Variants in PTH2R observed in about 807,000 individuals in gnomAD.
PTH2R encodes parathyroid hormone 2 receptor.
Under a neutral mutation model 60.3 loss-of-function variants are expected in PTH2R, and 59 were observed. The ratio of observed to expected loss-of-function variants is 0.98; its 90% CI spans 0.79 to 1.22. The LOEUF (loss-of-function observed/expected upper bound fraction) is 1.22, where lower values mean the gene tolerates loss of function less well. PTH2R is among the 50% of genes most tolerant of loss of function. PTH2R has a pLI of 0.00. For synonymous variants in PTH2R, 256 were observed against 243.8 expected, an observed-to-expected ratio of 1.05 and a Z score of -0.47; for missense variants, 749 against 682.6, an observed-to-expected ratio of 1.10 and a Z score of -1.08.
intron 1 of PTH2R, among the ~76,000 whole-genome samples, chr2:208,385,017 C>A (rs1392400180): frequency 6.6e-6 from 1 of 152,118 alleles, no homozygotes; most frequent in African/African-American, 2.4e-5. Flanking sequence ...AAAAACACTC[C>A]TTTTTTCTAC....
intron 1 of PTH2R, among the ~76,000 whole-genome samples, chr2:208,370,963 T>C (rs529592755): frequency 1.3e-5 from 2 of 152,082 alleles, no homozygotes; most frequent in South Asian, 4.2e-4. Flanking sequence ...GCATCTTACA[T>C]GGTGATAGAG....
chr2:208,491,817 T>A (rs1013739709), intron 12 of PTH2R, among the ~76,000 whole-genome samples: 5 of 152,160 alleles, frequency 3.3e-5, no homozygotes, highest in Non-Finnish European at 7.3e-5. Flanking sequence ...CTCCACTTCC[T>A]CTGTGCCCGA....
At chr2:208,476,105 T>G (rs554276859) in intron 9 of PTH2R, among the ~76,000 whole-genome samples, 1 of 152,232 alleles carries the variant, frequency 6.6e-6, no homozygotes, top group African/African-American at 2.4e-5. Context: ...AGGAAATATT[T>G]TAGGTGATAA....
At position 208,490,241 on chromosome 2, in the gene PTH2R, G is replaced by T. The variant is rs147367858; in HGVS notation, c.1216-398G>T. Among the ~76,000 whole-genome samples, 738 of 152,140 alleles carry T rather than the reference G, an allele frequency of 4.9e-3. 2 individuals carry two copies. The highest frequency in any genetic ancestry group is 0.017 in the Middle Eastern group (5 of 294). The stretch of plus-strand genomic sequence containing the variant: ...GCTCAGTAAATATTTTTGAATGAAC[G>T]AAATAAAAGGTTTCTTTGTATTCTT... On this transcript the variant is annotated intron_variant, in intron 11 of 12. Coordinates refer to ENST00000272847, the MANE Select transcript of PTH2R (RefSeq NM_005048.4).
chr2:208,488,947 A>G, intron 10 of PTH2R, 65 bp from the exon 11 acceptor site: 2 of 1,578,748 alleles, frequency 1.3e-6, no homozygotes, highest in Non-Finnish European at 1.7e-6. Context: ...TTTTTCCTCC[A>G]GCACGCTGTC....
rs571786953 is a variant in PTH2R, at chr2:208,407,755, T to C, written c.75+637T>C. 2.0e-5 allele frequency among the ~76,000 whole-genome samples: 3 copies of C among 152,362 alleles called. No individual in the cohort carries two copies. The East Asian group carries it at 5.8e-4, about 29-fold the overall frequency. On this transcript the variant is annotated intron_variant, in intron 1 of 12. Coordinates refer to ENST00000272847, the MANE Select transcript of PTH2R (RefSeq NM_005048.4). The stretch of plus-strand genomic sequence containing the variant: ...CAAGGCACAATTCATACGCACTTTT[T>C]TTTTTGAGTCAAATCAAATGTAGGG...
intron 1 of PTH2R, among the ~76,000 whole-genome samples, chr2:208,409,491 A>AT (rs1167973086): frequency 6.6e-6 from 1 of 152,168 alleles, no homozygotes; most frequent in Non-Finnish European, 1.5e-5. Flanking sequence ...GGCTTTATTA[A>AT]TTTTTTTAGC....
chr2:208,428,747 T>C (rs149683744), intron 2 of PTH2R, among the ~76,000 whole-genome samples: 6 of 152,344 alleles, frequency 3.9e-5, no homozygotes, highest in African/African-American at 1.4e-4. Flanking sequence ...TTCTCAATTG[T>C]TTATGATCAG....
At chr2:208,479,645 C>T (rs190353468) in intron 9 of PTH2R, among the ~76,000 whole-genome samples, 62 of 152,262 alleles carry the variant, frequency 4.1e-4, no homozygotes, top group Admixed American at 2.9e-3. Context: ...CTGTGAGCTG[C>T]GAGTTGTAGT....
intron 1 of PTH2R, among the ~76,000 whole-genome samples, chr2:208,370,442 CAAAAAAAAAAAAAA>C (rs71041305): frequency 1.1e-4 from 7 of 61,690 alleles, no homozygotes; most frequent in East Asian, 6.1e-4. Flanking sequence ...GACTCCGTCT[CAAAAAAAAAAAAAA>C]AAAAAAAAAA....
chr2:208,419,563 A>T (rs958137037), intron 1 of PTH2R, among the ~76,000 whole-genome samples: 5 of 152,248 alleles, frequency 3.3e-5, no homozygotes, highest in Admixed American at 2.6e-4. Flanking sequence ...TTTTGTTGCC[A>T]TTGCTTTTGG....
intron 2 of PTH2R, among the ~76,000 whole-genome samples, chr2:208,432,333 A>G (rs2105859665): frequency 6.6e-6 from 1 of 152,336 alleles, no homozygotes; most frequent in Non-Finnish European, 1.5e-5. Context: ...GACGGCAGGC[A>G]TCTTTCAGGA....
chr2:208,493,833 G>C lies in PTH2R; in HGVS notation c.*174G>C, dbSNP rs2105915695. ...CTGTAAATACTAACGACATGAAAAT[G>C]CAAGTGTCAATGGAGTAGTTTATTA... On this transcript the variant is annotated 3_prime_UTR_variant, in exon 13 of 13. Coordinates refer to ENST00000272847, the MANE Select transcript of PTH2R (RefSeq NM_005048.4). 2 of 587,626 alleles carry C rather than the reference G, an allele frequency of 3.4e-6. No individual in the cohort carries two copies. Among genetic ancestry groups the C allele is most frequent in the East Asian group, 3.2e-5 (1 of 31,220 alleles). 36.4% of individuals were successfully genotyped at this position (587,626 alleles called of 1,614,324 possible).
At chr2:208,369,153 A>G (rs773987529) in intron 1 of PTH2R, among the ~76,000 whole-genome samples, 3 of 152,012 alleles carry the variant, frequency 2.0e-5, no homozygotes, top group Admixed American at 2.0e-4. Flanking sequence ...AATAAAATAC[A>G]TTTCTATAGT....
chr2:208,368,363 A>C (rs938085696), intron 1 of PTH2R, among the ~76,000 whole-genome samples: 1 of 152,170 alleles, frequency 6.6e-6, no homozygotes, highest in Non-Finnish European at 1.5e-5. Context: ...GCATTCCTCC[A>C]TGCTTATATG....
In PTH2R at chr2:208,493,377, C is replaced by G. The variant is rs761595559; in HGVS notation, c.1371C>G (p.His457Gln). Residue 457 changes from histidine (H) to glutamine (Q), a missense_variant, in exon 13 of 13, where the codon CAC (histidine) becomes CAG (glutamine). By Grantham distance (24) the His-to-Gln change is conservative. Coordinates refer to ENST00000272847, the MANE Select transcript of PTH2R (RefSeq NM_005048.4). ...GCTCAGTGCTCACCACCGTGACGCA[C>G]AGCACCAGCAGCCAGTCACAGGTGG... The part of the protein sequence containing the change: ...RCGSVLTTVT[H>Q]STSSQSQVAA... The G allele has an allele frequency of 6.8e-6, 11 of 1,608,984 alleles. No homozygotes were observed. Among genetic ancestry groups the G allele is most frequent in the Non-Finnish European group, 9.3e-6 (11 of 1,176,652 alleles).
At chr2:208,491,987 G>C (rs995987850) in intron 12 of PTH2R, among the ~76,000 whole-genome samples, 1 of 152,154 alleles carries the variant, frequency 6.6e-6, no homozygotes, top group Non-Finnish European at 1.5e-5. Context: ...GTCAGGTGTT[G>C]ATTTGTTTTT....
upstream of PTH2R, chr2:208,406,767 CG>C: frequency 3.1e-6 from 1 of 319,354 alleles, no homozygotes. Flanking sequence ...CCGCCGCAGG[CG>C]GCGCGGGGCT....
At chr2:208,452,835 G>A (rs895916014) in intron 8 of PTH2R, among the ~76,000 whole-genome samples, 15 of 152,310 alleles carry the variant, frequency 9.8e-5, no homozygotes, top group African/African-American at 3.6e-4. Flanking sequence ...CAGAGAAGTT[G>A]TGCTCAAGGT....
Sources: gnomAD v4.1 joint callset for allele counts (sites outside exome capture counted in the v4.1 genomes callset) on GRCh38, gnomAD v4.1.1 for gene constraint, MANE v1.5 for transcripts, NCBI Gene and HGNC (gene_info 2026-07-23, HGNC 2026-07-21) for gene names.